SLC9A4: variants seen among roughly 807,000 people sequenced by gnomAD.
The protein encoded by SLC9A4 is sodium/hydrogen exchanger 4.
SLC9A4 carries 63 observed loss-of-function variants against 67.4 expected under a neutral mutation model. That is an observed-to-expected ratio of 0.93 (90% confidence interval 0.76 to 1.15). The LOEUF (loss-of-function observed/expected upper bound fraction) is 1.15. Ranked by LOEUF, SLC9A4 falls within the 50% of genes most tolerant of loss-of-function variation. SLC9A4 has a pLI of 0.00. For synonymous variants in SLC9A4, 393 were observed against 367.2 expected (o/e 1.07, Z -0.80); for missense variants, 1,089 against 987.7 (o/e 1.10, Z -1.38).
intron 1 of SLC9A4, among the ~76,000 whole-genome samples, chr2:102,474,546 G>A (rs566600262): frequency 7.9e-5 from 12 of 152,282 alleles, no homozygotes; most frequent in African/African-American, 2.6e-4. Context: ...GGATGTCGGG[G>A]CATATAAGAT....
In SLC9A4 at chr2:102,532,696, G is replaced by A. The variant is rs1674804845; in HGVS notation, c.*8G>A. 8 of 1,607,218 alleles carry A rather than the reference G, an allele frequency of 5.0e-6. No individual in the cohort carries two copies. Among genetic ancestry groups the A allele is most frequent in the Non-Finnish European group, 6.0e-6 (7 of 1,175,914 alleles). ...TTGCTCCAAAAAAAATAGTGTTATT[G>A]TCCACAAGATTGTTTTGGTGTTTCT... On this transcript the variant is annotated 3_prime_UTR_variant, in exon 12 of 12. Transcript: ENST00000295269.
At chr2:102,502,735 G>C (rs1684968922) in intron 2 of SLC9A4, among the ~76,000 whole-genome samples, 1 of 152,254 alleles carries the variant, frequency 6.6e-6, no homozygotes, top group African/African-American at 2.4e-5. Context: ...CTGTGCCAGG[G>C]CTGCAGTGGG....
At position 102,505,236 on chromosome 2, in the gene SLC9A4, ACT is replaced by A. The variant is rs772503274; in HGVS notation, c.981-15_981-14del. 1.1e-4 allele frequency: 183 copies of A among 1,609,958 alleles called. No individual in the cohort carries two copies. The highest frequency in any genetic ancestry group is 3.3e-4 in the Middle Eastern group (2 of 6,060). The stretch of plus-strand genomic sequence containing the variant: ...GAAAACCTCATGGATTTTCTCTGAG[ACT>A]CTGCTCCTTTTATAGAATCACAGCC... On this transcript the variant is annotated splice_polypyrimidine_tract_variant and intron_variant, in intron 3 of 11. Coordinates refer to ENST00000295269, the MANE Select transcript of SLC9A4 (RefSeq NM_001011552.4).
At chr2:102,491,403 G>T (rs1290787149) in intron 2 of SLC9A4, among the ~76,000 whole-genome samples, 2 of 135,654 alleles carry the variant, frequency 1.5e-5, no homozygotes, top group Non-Finnish European at 3.1e-5. Flanking sequence ...AGAAAAAGAG[G>T]TTTCATGGAC....
chr2:102,502,217 CTGCTTT>C (rs1219718193), intron 2 of SLC9A4, among the ~76,000 whole-genome samples: 1 of 152,168 alleles, frequency 6.6e-6, no homozygotes, highest in Non-Finnish European at 1.5e-5. Context: ...ACACCTGCTG[CTGCTTT>C]TCAGGACCTA....
chr2:102,481,939 A>G (rs1284594509), intron 2 of SLC9A4, among the ~76,000 whole-genome samples: 2 of 152,150 alleles, frequency 1.3e-5, no homozygotes, highest in African/African-American at 4.8e-5. Flanking sequence ...CAGAGAGGAA[A>G]AGTCCCCCTT....
At chr2:102,503,954 A>T (rs1558666267) in intron 3 of SLC9A4, among the ~76,000 whole-genome samples, 1 of 152,172 alleles carries the variant, frequency 6.6e-6, no homozygotes, top group Non-Finnish European at 1.5e-5. Flanking sequence ...TTATCACGTC[A>T]ATTTAGAAGG....
Position 102,526,700 on chromosome 2 carries a change from T to G in SLC9A4, c.2038+354T>G, listed in dbSNP as rs4241211. Among the ~76,000 whole-genome samples, 97,456 of 151,890 alleles carry G rather than the reference T, an allele frequency of 0.64. 31,402 individuals carry two copies. Among genetic ancestry groups the G allele is most frequent in the Middle Eastern group, 0.72 (212 of 294 alleles). ...TCATCTTGAAGAAATGTGAAAGGAGTGTTTCATTGAAGTTCTAATATTCAC... is the reference window on the plus strand; with the variant it reads ...TCATCTTGAAGAAATGTGAAAGGAGGGTTTCATTGAAGTTCTAATATTCAC... On this transcript the variant is annotated intron_variant, in intron 11 of 11. Coordinates refer to ENST00000295269, the MANE Select transcript of SLC9A4 (RefSeq NM_001011552.4).
chr2:102,476,437 T>TC (rs565103474), intron 1 of SLC9A4, among the ~76,000 whole-genome samples: 1 of 152,350 alleles, frequency 6.6e-6, no homozygotes, highest in East Asian at 1.9e-4. Context: ...ATGTAGCATT[T>TC]CCCTTTACAA....
chr2:102,492,071 G>C (rs1573334271), intron 2 of SLC9A4, among the ~76,000 whole-genome samples: 1 of 152,242 alleles, frequency 6.6e-6, no homozygotes, highest in Non-Finnish European at 1.5e-5. Context: ...AATGCAAGTA[G>C]GTTCCCATGG....
intron 8 of SLC9A4, among the ~76,000 whole-genome samples, chr2:102,517,298 C>CT (rs1484265795): frequency 1.3e-5 from 2 of 152,288 alleles, no homozygotes; most frequent in South Asian, 2.1e-4. Flanking sequence ...GACTTCACAT[C>CT]TTAGCTGCTT....
chr2:102,488,883 G>A (rs1314788260), intron 2 of SLC9A4, among the ~76,000 whole-genome samples: 1 of 152,168 alleles, frequency 6.6e-6, no homozygotes, highest in Non-Finnish European at 1.5e-5. Context: ...ATTAAGTTCA[G>A]TCGTGTCTGG....
At chr2:102,492,485 G>A (rs186938984) in intron 2 of SLC9A4, among the ~76,000 whole-genome samples, 1 of 152,334 alleles carries the variant, frequency 6.6e-6, no homozygotes, top group African/African-American at 2.4e-5. Context: ...CCAAAGCTTG[G>A]AGCTTACACC....
chr2:102,493,307 T>A (rs555757291), intron 2 of SLC9A4, among the ~76,000 whole-genome samples: 1 of 151,984 alleles, frequency 6.6e-6, no homozygotes, highest in East Asian at 1.9e-4. Context: ...TTTACTGCAT[T>A]AGTCCATTTT....
At chr2:102,491,180 G>T (rs888333932) in intron 2 of SLC9A4, among the ~76,000 whole-genome samples, 1 of 152,176 alleles carries the variant, frequency 6.6e-6, no homozygotes, top group African/African-American at 2.4e-5. Flanking sequence ...AGAAGGGAAA[G>T]AAATATTGGA....
chr2:102,482,258 T>C (rs1417538238), intron 2 of SLC9A4, among the ~76,000 whole-genome samples: 1 of 152,206 alleles, frequency 6.6e-6, no homozygotes, highest in African/African-American at 2.4e-5. Flanking sequence ...GGATGTCCAG[T>C]CCCATTTCAT....
intron 10 of SLC9A4, 86 bp downstream of exon 10, chr2:102,525,241 T>A: frequency 6.4e-7 from 1 of 1,572,072 alleles, no homozygotes; most frequent in Non-Finnish European, 8.7e-7. Context: ...GGATCTCACA[T>A]GCATGACCAT....
chr2:102,529,007 C>T (rs975928016), intron 11 of SLC9A4, among the ~76,000 whole-genome samples: 2 of 152,210 alleles, frequency 1.3e-5, no homozygotes, highest in African/African-American at 2.4e-5. Flanking sequence ...CAGTCTCATA[C>T]ATGCAGGATA....
At chr2:102,526,143 CT>C in intron 10 of SLC9A4, 115 bp from the exon 11 acceptor site, 1 of 1,057,658 alleles carries the variant, frequency 9.5e-7, no homozygotes, top group Non-Finnish European at 1.4e-6. Flanking sequence ...CCTCTTCTGC[CT>C]CCCAAAGTGC....
Sources: gnomAD v4.1 joint callset for allele counts (sites outside exome capture counted in the v4.1 genomes callset) on GRCh38, gnomAD v4.1.1 for gene constraint, MANE v1.5 for transcripts, NCBI Gene and HGNC (gene_info 2026-07-23, HGNC 2026-07-21) for gene names.